Variants in DEPDC1B observed in about 807,000 individuals in gnomAD.
The protein encoded by DEPDC1B is DEP domain containing 1B, also known as DEP domain-containing protein 1B.
A neutral mutation model predicts 66.5 loss-of-function variants in DEPDC1B; 51 were observed. That is an observed-to-expected ratio of 0.77 (90% confidence interval 0.61 to 0.97). The LOEUF (loss-of-function observed/expected upper bound fraction) is 0.97. DEPDC1B is among the 50% of genes least tolerant of loss of function. The pLI, the probability that DEPDC1B is intolerant of heterozygous loss-of-function variation, is 0.00. For synonymous variants in DEPDC1B, 226 were observed against 223.6 expected (o/e 1.01, Z -0.10); for missense variants, 552 against 637.1 (o/e 0.87, Z 1.44).
At chr5:60,632,438 A>G (rs1203871405) in intron 7 of DEPDC1B, among the ~76,000 whole-genome samples, 1 of 152,184 alleles carries the variant, frequency 6.6e-6, no homozygotes, top group Non-Finnish European at 1.5e-5. Context: ...CTCAGCCCCA[A>G]ATCCTGCAAC....
chr5:60,607,490 C>A (rs192796060), intron 7 of DEPDC1B, among the ~76,000 whole-genome samples: 1 of 152,090 alleles, frequency 6.6e-6, no homozygotes, highest in Non-Finnish European at 1.5e-5. Context: ...TATGAACCCC[C>A]ACCTGTATTC....
intron 1 of DEPDC1B, among the ~76,000 whole-genome samples, chr5:60,695,936 T>A (rs1754644530): frequency 6.6e-6 from 1 of 152,104 alleles, no homozygotes; most frequent in South Asian, 2.1e-4. Flanking sequence ...GTAGCTGGGA[T>A]TACAGGCATG....
At chr5:60,626,811 T>C (rs1191601267) in intron 7 of DEPDC1B, among the ~76,000 whole-genome samples, 1 of 152,106 alleles carries the variant, frequency 6.6e-6, no homozygotes, top group African/African-American at 2.4e-5. Flanking sequence ...GGTTCTTGTA[T>C]AACATCCAGA....
chr5:60,679,960 C>T (rs1467047918), intron 2 of DEPDC1B, among the ~76,000 whole-genome samples: 2 of 152,148 alleles, frequency 1.3e-5, no homozygotes, highest in African/African-American at 4.8e-5. Flanking sequence ...TTTGTTTAGA[C>T]ATTTTAAAGG....
chr5:60,645,648 G>C, intron 3 of DEPDC1B, 29 bp from the exon 4 acceptor site: 1 of 1,581,450 alleles, frequency 6.3e-7, no homozygotes, highest in East Asian at 2.3e-5. Flanking sequence ...AAGAAGGGAG[G>C]GAAGGAGAAA....
chr5:60,643,759 G>A (rs1318895305), intron 5 of DEPDC1B, among the ~76,000 whole-genome samples: 2 of 152,156 alleles, frequency 1.3e-5, no homozygotes, highest in Non-Finnish European at 2.9e-5. Context: ...TTTATATGTT[G>A]ATATTAACCT....
intron 7 of DEPDC1B, chr5:60,630,642 T>G (rs1351974159): frequency 6.6e-6 from 1 of 152,364 alleles, no homozygotes; most frequent in African/African-American, 2.4e-5. Context: ...CAAGCACAAA[T>G]AAAAACCAGC....
At chr5:60,667,784 T>TAAAAAATGGATATTTTACATATATAA (rs1753896919) in intron 2 of DEPDC1B, among the ~76,000 whole-genome samples, 1 of 133,136 alleles carries the variant, frequency 7.5e-6, no homozygotes, top group East Asian at 2.2e-4. Flanking sequence ...TACATATATA[T>TAAAAAATGGATATTTTACATATATAA]AAAAAATGGA....
At chr5:60,663,029 T>C (rs751454874) in intron 2 of DEPDC1B, among the ~76,000 whole-genome samples, 1 of 152,198 alleles carries the variant, frequency 6.6e-6, no homozygotes, top group Non-Finnish European at 1.5e-5. Flanking sequence ...TCTTTTCACA[T>C]GCCTTTCTAA....
At chr5:60,602,719 G>A (rs1220183561) in intron 9 of DEPDC1B, among the ~76,000 whole-genome samples, 1 of 152,136 alleles carries the variant, frequency 6.6e-6, no homozygotes, top group Non-Finnish European at 1.5e-5. Flanking sequence ...CCTAGGAATT[G>A]TAAAGTACAG....
intron 2 of DEPDC1B, among the ~76,000 whole-genome samples, chr5:60,674,547 G>A (rs1754113747): frequency 6.6e-6 from 1 of 152,114 alleles, no homozygotes; most frequent in African/African-American, 2.4e-5. Flanking sequence ...TGCCTACAAA[G>A]GATCCTGAAC....
chr5:60,609,277 C>A (rs1447439018), intron 7 of DEPDC1B, among the ~76,000 whole-genome samples: 1 of 152,164 alleles, frequency 6.6e-6, no homozygotes, highest in East Asian at 1.9e-4. Flanking sequence ...TCCTGTGAGA[C>A]CAGGGCCTCC....
rs771709707 is a variant in DEPDC1B at position 60,638,747 on chromosome 5, T to A, written c.898+3A>T. The A allele has an allele frequency of 1.9e-6, 3 of 1,604,034 alleles. No homozygotes were observed. The highest frequency in any genetic ancestry group is 2.6e-6 in the Non-Finnish European group (3 of 1,176,460). ...GATATATGTTCATTATATTCCAACTTACCCAGTACACTGACAAAAGCATCA... is the reference window on the plus strand; with the variant it reads ...GATATATGTTCATTATATTCCAACTAACCCAGTACACTGACAAAAGCATCA... On this transcript the variant is annotated splice_donor_region_variant and intron_variant, in intron 7 of 10. Transcript: ENST00000265036.
intron 1 of DEPDC1B, among the ~76,000 whole-genome samples, chr5:60,697,930 C>T (rs528683226): frequency 3.3e-5 from 5 of 152,090 alleles, no homozygotes; most frequent in African/African-American, 4.8e-5. Context: ...ACTCAAGAAT[C>T]CAGCACTATC....
Position 60,654,868 on chromosome 5 carries a change from G to A in DEPDC1B, c.315-7335C>T, listed in dbSNP as rs180878435. On this transcript the variant is annotated intron_variant, in intron 2 of 10. Coordinates refer to ENST00000265036, the MANE Select transcript of DEPDC1B (RefSeq NM_018369.3). Reference sequence around the variant, plus strand: ...CTGGATTTTGTCAAATGCTCTTTCTGTGTCTATTGGGATGATCATGATTTT... The same window carrying A: ...CTGGATTTTGTCAAATGCTCTTTCTATGTCTATTGGGATGATCATGATTTT... Among the ~76,000 whole-genome samples the A allele has an allele frequency of 1.3e-5, 2 of 148,952 alleles. 1 individual carries two copies. The highest frequency in any genetic ancestry group is 5.1e-5 in the African/African-American group (2 of 39,558).
chr5:60,681,511 C>T (rs1246157410), intron 2 of DEPDC1B, among the ~76,000 whole-genome samples: 4 of 152,166 alleles, frequency 2.6e-5, no homozygotes, highest in Non-Finnish European at 4.4e-5. Context: ...AAAGTCTTTA[C>T]CTACAAAAGC....
At chr5:60,630,623 G>T (rs1348541430) in intron 7 of DEPDC1B, 1 of 152,448 alleles carries the variant, frequency 6.6e-6, no homozygotes, top group Non-Finnish European at 1.5e-5. Context: ...TGCCATGAAA[G>T]AAATTCTGCA....
intron 7 of DEPDC1B, among the ~76,000 whole-genome samples, chr5:60,634,896 C>T (rs758985307): frequency 6.7e-6 from 1 of 148,354 alleles, no homozygotes; most frequent in Non-Finnish European, 1.5e-5. Context: ...TTAAAAGCTC[C>T]AGCCAATACA....
chr5:60,653,879 T>A (rs1473215499), intron 2 of DEPDC1B, among the ~76,000 whole-genome samples: 4 of 112,714 alleles, frequency 3.5e-5, no homozygotes, highest in Admixed American at 3.1e-4. Flanking sequence ...CCCCACTTTA[T>A]GTTTTTCTTT....
Sources: allele counts gnomAD v4.1 joint callset (sites outside exome capture counted in the v4.1 genomes callset), GRCh38; gene constraint gnomAD v4.1.1; transcripts MANE v1.5; gene names NCBI Gene and HGNC (gene_info 2026-07-23, HGNC 2026-07-21).